PRRC1: variants seen among roughly 807,000 people sequenced by gnomAD.
PRRC1 encodes protein PRRC1.
In PRRC1, 39 loss-of-function variants were observed where a neutral mutation model predicts 40.7. That is an observed-to-expected ratio of 0.96 (90% CI 0.74 to 1.25). PRRC1 has a LOEUF of 1.25. Ranked by LOEUF, PRRC1 falls within the 50% of genes most tolerant of loss-of-function variation. The pLI, the probability that PRRC1 is intolerant of heterozygous loss-of-function variation, is 0.00. For missense variants in PRRC1, 573 were observed against 548.3 expected (o/e 1.05, Z -0.45); for synonymous variants, 175 against 193.3 (o/e 0.91, Z 0.79).
rs1412206225 is a variant in PRRC1, at chr5:127,552,181, T to C, written c.*265T>C. On this transcript the variant is annotated 3_prime_UTR_variant, in exon 9 of 9. Transcript: ENST00000296666. ...CAAATCTATTTACAGCACAATTTAA[T>C]ATACCAGATTTATAAGGTGGAAATT... 6.7e-6 allele frequency: 8 copies of C among 1,198,968 alleles called. No individual in the cohort carries two copies. Among genetic ancestry groups the C allele is most frequent in the Non-Finnish European group, 6.2e-6 (6 of 961,966 alleles). 74.3% of individuals were successfully genotyped at this position (1,198,968 alleles called of 1,614,324 possible). A position where few individuals can be genotyped will look rare whatever the true frequency, so the allele number is the denominator to read the frequency against.
At position 127,547,821 on chromosome 5, in the gene PRRC1, G is replaced by A; in HGVS notation, c.1028G>A (p.Trp343Ter). ...NFIAELLPDK[W>*]FDIGCLVVED... ...TGAAACTCGTAATTCTGTTGCAGAT[G>A]GTTTGACATTGGTTGTTTGGTGGTT... The change falls in exon 8 of 9, where the codon TGG becomes TAG. Residue 343 changes from tryptophan (W) to a stop codon, truncating the protein, a stop_gained and splice_region_variant. Transcript: ENST00000296666. LOFTEE classifies it high-confidence loss of function. 1 of 1,609,612 alleles carries A rather than the reference G, an allele frequency of 6.2e-7. No individual in the cohort carries two copies.
chr5:127,543,036 T>C (rs1223834447), intron 7 of PRRC1, among the ~76,000 whole-genome samples: 1 of 137,274 alleles, frequency 7.3e-6, no homozygotes, highest in Admixed American at 7.7e-5. Context: ...CCATGTTTAG[T>C]GCTTCCTTCA....
At chr5:127,525,386 T>C (rs533261388) in intron 3 of PRRC1, among the ~76,000 whole-genome samples, 1 of 152,354 alleles carries the variant, frequency 6.6e-6, no homozygotes, top group South Asian at 2.1e-4. Context: ...ATATTCCAGT[T>C]TATGAATATG....
intron 1 of PRRC1, among the ~76,000 whole-genome samples, chr5:127,520,524 C>G (rs1767430033): frequency 1.3e-5 from 2 of 152,102 alleles, no homozygotes; most frequent in Non-Finnish European, 2.9e-5. Context: ...GGATGAATCT[C>G]AAGAACATTA....
chr5:127,542,085 G>A (rs1444609226), intron 7 of PRRC1, among the ~76,000 whole-genome samples: 12 of 151,704 alleles, frequency 7.9e-5, no homozygotes, highest in East Asian at 1.9e-4. Context: ...CTTTGTTCTC[G>A]TTGGTTTCAA....
intron 6 of PRRC1, among the ~76,000 whole-genome samples, chr5:127,536,555 C>T (rs1264921135): frequency 1.3e-5 from 2 of 151,812 alleles, no homozygotes; most frequent in Non-Finnish European, 2.9e-5. Flanking sequence ...GAGGAAAATC[C>T]TAAGTAGAAA....
chr5:127,523,116 C>A (rs1767503469), intron 1 of PRRC1, among the ~76,000 whole-genome samples: 1 of 152,136 alleles, frequency 6.6e-6, no homozygotes, highest in Admixed American at 6.6e-5. Flanking sequence ...CTGGCCCAGA[C>A]ATAACTATCT....
chr5:127,552,071 A>G lies in PRRC1; in HGVS notation c.*155A>G, dbSNP rs1364101618. 6 of 1,436,658 alleles carry G rather than the reference A, an allele frequency of 4.2e-6. No individual in the cohort carries two copies. Among genetic ancestry groups the G allele is most frequent in the East Asian group, 2.5e-5 (1 of 39,786 alleles). 89.0% of individuals were successfully genotyped at this position (1,436,658 alleles called of 1,614,324 possible). On this transcript the variant is annotated 3_prime_UTR_variant, in exon 9 of 9. Transcript: ENST00000296666. ...ATTTTTCTTTCTCTAGAAAGGCATC[A>G]TGTCATTCCAGGAGACAAAAAGAAA...
chr5:127,550,690 C>A (rs1768354175), intron 8 of PRRC1: 1 of 152,126 alleles, frequency 6.6e-6, no homozygotes, highest in African/African-American at 2.4e-5. Flanking sequence ...CATAGGCATG[C>A]CATAATTTGA....
Position 127,526,630 on chromosome 5 carries a change from C to G in PRRC1, c.506C>G (p.Thr169Ser), listed in dbSNP as rs199998747. ...SAPSGTGLLPTPITQQASLTS... is the reference protein window; with the variant it reads ...SAPSGTGLLPSPITQQASLTS... ...TGCCATTGATTAGGTCTTTTGCCAA[C>G]TCCTATTACTCAGCAAGCCAGTTTG... is the stretch of plus-strand genomic sequence containing the variant. The change falls in exon 4 of 9, where the codon ACT (threonine) becomes AGT (serine). Residue 169 changes from threonine (T) to serine (S), a missense_variant. Thr to Ser is a moderately conservative substitution (Grantham distance 58). Transcript: ENST00000296666. 1 of 1,607,328 alleles carries G rather than the reference C, an allele frequency of 6.2e-7. No homozygotes were observed. Among genetic ancestry groups the G allele is most frequent in the South Asian group, 1.1e-5 (1 of 89,134 alleles).
Position 127,522,714 on chromosome 5 carries a change from G to C in PRRC1, c.-20-746G>C, listed in dbSNP as rs373727714. Among the ~76,000 whole-genome samples the C allele has an allele frequency of 3.3e-4, 50 of 151,716 alleles. No homozygotes were observed. In the East Asian group the frequency reaches 9.5e-3, roughly 29 times the overall value. On this transcript the variant is annotated intron_variant, in intron 1 of 8. Transcript: ENST00000296666. ...CTTTATTTTTTTTTTATGTTAATGG[G>C]GTTATCTTATACACAGTACTTTATG...
chr5:127,544,539 C>T (rs984225143), intron 7 of PRRC1, among the ~76,000 whole-genome samples: 5 of 152,378 alleles, frequency 3.3e-5, no homozygotes, highest in South Asian at 4.1e-4. Flanking sequence ...CCACCCAGTT[C>T]GAGCTTCCCG....
intron 8 of PRRC1, chr5:127,549,322 C>G (rs1218831888): frequency 6.6e-6 from 1 of 152,012 alleles, no homozygotes; most frequent in Non-Finnish European, 1.5e-5. Flanking sequence ...GTCCAAAGAA[C>G]TAAATGTCAA....
intron 6 of PRRC1, among the ~76,000 whole-genome samples, chr5:127,537,834 A>G (rs1403548362): frequency 1.3e-5 from 2 of 152,006 alleles, no homozygotes; most frequent in Admixed American, 6.6e-5. Context: ...AACATCTGGT[A>G]TAAATAACTA....
rs570625717 is a variant in PRRC1, at chr5:127,524,743, C to G, written c.316C>G (p.Pro106Ala). ...PSTAAAFGNP[P>A]VSHFPPSTSA... ...AACTGCTGCTGCCTTCGGTAATCCT[C>G]CTGTATCTCACTTCCCACCTTCAAC... Residue 106 changes from proline to alanine, a missense_variant, in exon 3 of 9, where the codon CCT becomes GCT. Transcript: ENST00000296666. 1.2e-6 allele frequency: 2 copies of G among 1,614,200 alleles called. No homozygotes were observed. Among genetic ancestry groups the G allele is most frequent in the South Asian group, 2.2e-5 (2 of 91,080 alleles).
intron 1 of PRRC1, among the ~76,000 whole-genome samples, chr5:127,520,996 G>A (rs1361354895): frequency 6.6e-6 from 1 of 151,878 alleles, no homozygotes; most frequent in African/African-American, 2.4e-5. Context: ...TAAAACAAAA[G>A]ACAGTTATGC....
intron 4 of PRRC1, among the ~76,000 whole-genome samples, chr5:127,529,123 T>C (rs544496263): frequency 6.6e-6 from 1 of 152,230 alleles, no homozygotes; most frequent in South Asian, 2.1e-4. Context: ...AATTTTTCTT[T>C]ACTCATCTTT....
At chr5:127,527,849 C>T (rs1767666389) in intron 4 of PRRC1, among the ~76,000 whole-genome samples, 1 of 151,146 alleles carries the variant, frequency 6.6e-6, no homozygotes, top group Admixed American at 6.6e-5. Context: ...GAATTAATTC[C>T]TGATGAACAT....
At chr5:127,551,670 A>T in intron 8 of PRRC1, 37 bp from the exon 9 acceptor site, 1 of 1,581,692 alleles carries the variant, frequency 6.3e-7, no homozygotes, top group Non-Finnish European at 8.7e-7. Context: ...ATATTTTTAA[A>T]TGTATTATAA....
Sources: allele counts gnomAD v4.1 joint callset (sites outside exome capture counted in the v4.1 genomes callset), GRCh38; gene constraint gnomAD v4.1.1; transcripts MANE v1.5; gene names NCBI Gene and HGNC (gene_info 2026-07-23, HGNC 2026-07-21).